Variants in GC observed in about 807,000 individuals in gnomAD.
The protein encoded by GC is GC vitamin D binding protein.
GC carries 43 observed loss-of-function variants against 56.7 expected under a neutral mutation model. That is an observed-to-expected ratio of 0.76 (90% confidence interval 0.59 to 0.98). The LOEUF is 0.98. Ranked by LOEUF, GC falls within the 50% of genes least tolerant of loss-of-function variation. The pLI is 0.00. For synonymous variants in GC, 216 were observed against 202.7 expected (o/e 1.07, Z -0.56); for missense variants, 529 against 545.9 (o/e 0.97, Z 0.31).
chr4:71,755,174 A>ATTTATTTATTTT, intron 8 of GC, 67 bp from the exon 9 acceptor site: 1 of 766,666 alleles, frequency 1.3e-6, no homozygotes, highest in Non-Finnish European at 1.8e-6. Flanking sequence ...TTATTTATTT[A>ATTTATTTATTTT]TTTTTTGTGA....
chr4:71,803,969 A>G, exon 1 of GC: 1 of 1,455,708 alleles, frequency 6.9e-7, no homozygotes, highest in Non-Finnish European at 9.3e-7. Flanking sequence ...GGACTAGTCC[A>G]GATCATCACC....
At position 71,746,190 on chromosome 4, in the gene GC, T is replaced by C; in HGVS notation, c.1411A>G (p.Lys471Glu). 7.4e-7 allele frequency: 1 copy of C among 1,349,712 alleles called. No individual in the cohort carries two copies. The highest frequency in any genetic ancestry group is 1.1e-6 in the Non-Finnish European group (1 of 944,288). The allele number at this position is 1,349,712 out of a possible 1,614,324, so 83.6% of individuals were successfully genotyped here. Residue 471 changes from lysine to glutamate, a missense_variant, in exon 12 of 13, where the codon AAG becomes GAG. Coordinates refer to ENST00000273951, the MANE Select transcript of GC (RefSeq NM_000583.4). ...ATGCTTCAGGACTACAGGATATTCTTCAATTCAGCATCAATCTGATAATGA... is the reference window on the plus strand; with the variant it reads ...ATGCTTCAGGACTACAGGATATTCTCCAATTCAGCATCAATCTGATAATGA... The part of the protein sequence containing the change: ...YCDSEIDAEL[K>E]NIL
intron 1 of GC, among the ~76,000 whole-genome samples, chr4:71,773,895 A>G (rs1170840510): frequency 1.3e-5 from 2 of 151,996 alleles, no homozygotes; most frequent in Non-Finnish European, 2.9e-5. Context: ...AAAGCTCAGT[A>G]TATTTGTTAG....
intron 1 of GC, among the ~76,000 whole-genome samples, chr4:71,773,027 A>C (rs1369067863): frequency 6.6e-6 from 1 of 152,078 alleles, no homozygotes; most frequent in Non-Finnish European, 1.5e-5. Context: ...CTGCTTAATA[A>C]ATGTTTTTGG....
chr4:71,792,646 C>G (rs982437472), intron 1 of GC, among the ~76,000 whole-genome samples: 2 of 151,166 alleles, frequency 1.3e-5, no homozygotes, highest in Non-Finnish European at 2.9e-5. Flanking sequence ...TTTTGCTGTG[C>G]AGAAGCTCTT....
In GC at chr4:71,776,757, A is replaced by G. The variant is rs180815516; in HGVS notation, c.58+7204T>C. ...CTATTCCATTGTGCCCCAGAAATGTATATAATTATAATTTGCCAATTAAAA... is the reference window on the plus strand; with the variant it reads ...CTATTCCATTGTGCCCCAGAAATGTGTATAATTATAATTTGCCAATTAAAA... On this transcript the variant is annotated intron_variant, in intron 1 of 12. Coordinates refer to ENST00000273951, the MANE Select transcript of GC (RefSeq NM_000583.4). Among the ~76,000 whole-genome samples, 22 of 152,086 alleles carry G rather than the reference A, an allele frequency of 1.4e-4. 1 individual carries two copies. The East Asian group carries it at 3.7e-3, about 25-fold the overall frequency.
rs746973979 is a variant in GC, at chr4:71,756,744, C to A, written c.1002G>T (p.Val334=). 49 of 1,613,462 alleles carry A rather than the reference C, an allele frequency of 3.0e-5. 1 individual carries two copies. In the South Asian group the frequency reaches 5.2e-4, roughly 17 times the overall value. Residue 334 remains valine (V), a synonymous_variant, in exon 8 of 13, where the codon GTG becomes GTT. Coordinates refer to ENST00000273951, the MANE Select transcript of GC (RefSeq NM_000583.4). ...TGACTTTGGTGTTTCCTGGATCACA[C>A]ACATCTTTGTTTGTGGGCAACTCTA... ...PDVELPTNKD[V]CDPGNTKVMD...
rs182245840 is a variant in GC, at chr4:71,803,914, A to G, written c.21+12T>C. The G allele has an allele frequency of 3.4e-6, 5 of 1,465,772 alleles. No individual in the cohort carries two copies. In the African/African-American group the frequency reaches 7.0e-5, roughly 20 times the overall value. 90.8% of individuals were successfully genotyped at this position (1,465,772 alleles called of 1,614,324 possible). A position where few individuals can be genotyped will look rare whatever the true frequency, so the allele number is the denominator to read the frequency against. On this transcript the variant is annotated intron_variant, in intron 1 of 13. Transcript: ENST00000504199. ...TGGTAACTTGAAATTATTTGGAATT[A>G]GAACGCAGTACCTCACTCCAAGACC... is the stretch of plus-strand genomic sequence containing the variant.
chr4:71,779,489 G>A (rs528743131), intron 1 of GC, among the ~76,000 whole-genome samples: 1 of 151,854 alleles, frequency 6.6e-6, no homozygotes, highest in South Asian at 2.1e-4. Context: ...GCAAAGCCCT[G>A]GGGTGCAAAG....
chr4:71,748,465 G>A (rs1370531980), intron 11 of GC, among the ~76,000 whole-genome samples: 3 of 151,932 alleles, frequency 2.0e-5, no homozygotes, highest in Admixed American at 6.6e-5. Context: ...ATGACTTTTG[G>A]AATACTTTGG....
In GC at chr4:71,772,817, T is replaced by C. The variant is rs113172119; in HGVS notation, c.59-3417A>G. ...ACCTGTAGAGGAAGCTGTTGCACCA[T>C]GATCTTTCAGGTGAGCTACCCAAAA... is the stretch of plus-strand genomic sequence containing the variant. On this transcript the variant is annotated intron_variant, in intron 1 of 12. Transcript: ENST00000273951. Among the ~76,000 whole-genome samples the C allele has an allele frequency of 1.1e-3, 160 of 152,238 alleles. 1 individual carries two copies. The highest frequency in any genetic ancestry group is 3.8e-3 in the African/African-American group (156 of 41,582).
At chr4:71,751,491 AG>A (rs1349982795) in intron 11 of GC, among the ~76,000 whole-genome samples, 1 of 152,220 alleles carries the variant, frequency 6.6e-6, no homozygotes, top group Non-Finnish European at 1.5e-5. Context: ...GAAAACAAAA[AG>A]GTTTGGCCAG....
At chr4:71,769,219 T>C (rs1578302192) in intron 2 of GC, 112 bp downstream of exon 2, 1 of 764,912 alleles carries the variant, frequency 1.3e-6, no homozygotes, top group East Asian at 2.6e-5. Context: ...CTCTGTCCTC[T>C]TACTCTTGGC....
chr4:71,743,455 G>T (rs1188429238), intron 12 of GC, among the ~76,000 whole-genome samples: 1 of 152,182 alleles, frequency 6.6e-6, no homozygotes, highest in Non-Finnish European at 1.5e-5. Flanking sequence ...CTGAGGGAAA[G>T]TACTCAGCAC....
intron 1 of GC, among the ~76,000 whole-genome samples, chr4:71,781,522 T>A (rs1742679427): frequency 6.6e-6 from 1 of 151,854 alleles, no homozygotes; most frequent in Admixed American, 6.6e-5. Context: ...AAAAATCAAT[T>A]TTTATAAATG....
chr4:71,760,628 T>G (rs1465347226), intron 6 of GC, among the ~76,000 whole-genome samples: 2 of 152,166 alleles, frequency 1.3e-5, no homozygotes, highest in African/African-American at 2.4e-5. Flanking sequence ...TTTGGCTATG[T>G]CCCCACACAA....
chr4:71,746,794 A>AAC (rs1457925506), intron 11 of GC, among the ~76,000 whole-genome samples: 4 of 151,044 alleles, frequency 2.6e-5, no homozygotes, highest in Non-Finnish European at 5.9e-5. Flanking sequence ...AAAAAAAAAA[A>AAC]ACTACTTTAA....
intron 11 of GC, among the ~76,000 whole-genome samples, chr4:71,749,713 G>T (rs1039358805): frequency 6.6e-6 from 1 of 152,122 alleles, no homozygotes; most frequent in Admixed American, 6.5e-5. Flanking sequence ...ATGTTTTAAT[G>T]ACCAAAATAT....
intron 11 of GC, among the ~76,000 whole-genome samples, chr4:71,751,192 G>A (rs978925568): frequency 2.6e-5 from 4 of 152,102 alleles, no homozygotes; most frequent in Admixed American, 6.5e-5. Context: ...TCTGAAAAAG[G>A]CCAGCAAAAT....
Sources: gnomAD v4.1 joint callset for allele counts (sites outside exome capture counted in the v4.1 genomes callset) on GRCh38, gnomAD v4.1.1 for gene constraint, MANE v1.5 for transcripts, NCBI Gene and HGNC (gene_info 2026-07-23, HGNC 2026-07-21) for gene names.